The following CAPN9 variants were observed in gnomAD, a reference collection of about 807,000 sequenced individuals.
CAPN9 encodes calpain-9.
Under a neutral mutation model 92.8 loss-of-function variants are expected in CAPN9, and 81 were observed. The ratio of observed to expected loss-of-function variants is 0.87; its 90% CI spans 0.73 to 1.05. The LOEUF is 1.05. CAPN9 is among the 50% of genes least tolerant of loss of function. CAPN9 has a pLI of 0.00. For missense variants in CAPN9, 848 were observed against 866.2 expected (o/e 0.98, Z 0.26); for synonymous variants, 304 against 328.0 (o/e 0.93, Z 0.79).
Position 230,781,940 on chromosome 1 carries a change from T to C in CAPN9, c.1481+1232T>C, listed in dbSNP as rs28359691. 3.2e-3 allele frequency among the ~76,000 whole-genome samples: 483 copies of C among 152,306 alleles called. 4 individuals carry two copies. Among genetic ancestry groups the C allele is most frequent in the African/African-American group, 0.011 (462 of 41,562 alleles). ...AGAAAAGTCTTTAATTTTTAAACAC[T>C]CTACCAGAGAATTTTTCTCCAGCCT... On this transcript the variant is annotated intron_variant, in intron 11 of 19. Transcript: ENST00000271971.
intron 7 of CAPN9, among the ~76,000 whole-genome samples, chr1:230,773,562 G>A (rs987107373): frequency 2.0e-5 from 3 of 152,182 alleles, no homozygotes; most frequent in African/African-American, 7.2e-5. Context: ...GTGATGGGAG[G>A]GGCAGGCGCC....
chr1:230,750,518 T>C lies in CAPN9; in HGVS notation c.213+2809T>C, dbSNP rs74144824. Among the ~76,000 whole-genome samples, 1,238 of 152,162 alleles carry C rather than the reference T, an allele frequency of 8.1e-3. 9 individuals are homozygous for C. The highest frequency in any genetic ancestry group is 0.028 in the African/African-American group (1,180 of 41,426). ...GGCTGAGGATGAGCATGGAGACTCTTCTTGCAGCATAGAGTCGCAGGGAGC... is the reference window on the plus strand; with the variant it reads ...GGCTGAGGATGAGCATGGAGACTCTCCTTGCAGCATAGAGTCGCAGGGAGC... On this transcript the variant is annotated intron_variant, in intron 1 of 19. Transcript: ENST00000271971.
intron 19 of CAPN9, among the ~76,000 whole-genome samples, chr1:230,799,415 C>T (rs925920567): frequency 1.3e-5 from 2 of 152,176 alleles, no homozygotes; most frequent in African/African-American, 4.8e-5. Context: ...TGACTCACCA[C>T]TAATTTTCTC....
At chr1:230,792,319 C>T in intron 15 of CAPN9, 107 bp from the exon 16 acceptor site, 1 of 891,138 alleles carries the variant, frequency 1.1e-6, no homozygotes, top group South Asian at 1.4e-5. Flanking sequence ...ACCTGTGCAC[C>T]CAGGCCAGCC....
chr1:230,795,537 G>C, intron 18 of CAPN9: 6 of 402,096 alleles, frequency 1.5e-5, no homozygotes, highest in South Asian at 1.3e-4. Context: ...GGCTGGGGCA[G>C]GTTTGTGCCT....
In CAPN9 at chr1:230,778,846, T is replaced by TC. The variant is rs1667008274; in HGVS notation, c.954-121dup. On this transcript the variant is annotated intron_variant, in intron 8 of 19. Transcript: ENST00000271971. Reference sequence around the variant, plus strand: ...TTTTCCATCTCCCCACACTTTGCAGTCCCCCCACTCCTTGCGGACAGGAAC... The same window carrying TC: ...TTTTCCATCTCCCCACACTTTGCAGTCCCCCCCACTCCTTGCGGACAGGAAC... 8 of 817,058 alleles carry TC rather than the reference T, an allele frequency of 9.8e-6. No homozygotes were observed. The South Asian group carries it at 1.6e-4, about 16-fold the overall frequency. 50.6% of individuals were successfully genotyped at this position (817,058 alleles called of 1,614,324 possible).
Position 230,780,185 on chromosome 1 carries a change from T to A in CAPN9, c.1121T>A (p.Phe374Tyr). ...AGGCRNFLDT[F>Y]WTNPQIKLSL... is the part of the protein sequence containing the mutation. ...TACCTCTCCCAAATGACAGATACCTTTTGGACCAATCCACAAATAAAATTG... is the reference window on the plus strand; with the variant it reads ...TACCTCTCCCAAATGACAGATACCTATTGGACCAATCCACAAATAAAATTG... The change falls in exon 10 of 20, where the codon TTT (phenylalanine) becomes TAT (tyrosine). Residue 374 changes from phenylalanine to tyrosine, a missense_variant. Coordinates refer to ENST00000271971, the MANE Select transcript of CAPN9 (RefSeq NM_006615.3). 6.2e-7 allele frequency: 1 copy of A among 1,613,300 alleles called. No homozygotes were observed. Among genetic ancestry groups the A allele is most frequent in the Non-Finnish European group, 8.5e-7 (1 of 1,179,786 alleles).
chr1:230,786,841 A>G (rs562492182), intron 12 of CAPN9, among the ~76,000 whole-genome samples: 4 of 152,160 alleles, frequency 2.6e-5, no homozygotes, highest in Non-Finnish European at 5.9e-5. Context: ...ACTCAGGGGA[A>G]CACATTACAT....
chr1:230,779,195 C>A, intron 9 of CAPN9, 62 bp downstream of exon 9: 1 of 1,517,362 alleles, frequency 6.6e-7, no homozygotes, highest in Non-Finnish European at 9.1e-7. Flanking sequence ...CTCAGGACAC[C>A]AAAGGATAAG....
At chr1:230,798,020 G>A (rs1359123100) in intron 18 of CAPN9, 142 bp from the exon 19 acceptor site, 12 of 674,064 alleles carry the variant, frequency 1.8e-5, no homozygotes, top group African/African-American at 1.3e-4. Context: ...TCCCATCGCC[G>A]CCCTTGATGA....
chr1:230,780,119 T>A, intron 9 of CAPN9, 60 bp from the exon 10 acceptor site: 1 of 904,350 alleles, frequency 1.1e-6, no homozygotes, highest in Non-Finnish European at 1.7e-6. Flanking sequence ...TGTGTGTGTG[T>A]GTGGTCTTTG....
chr1:230,794,046 C>A (rs1372233172), intron 17 of CAPN9, among the ~76,000 whole-genome samples: 1 of 152,176 alleles, frequency 6.6e-6, no homozygotes, highest in Non-Finnish European at 1.5e-5. Context: ...TGTGTCTGAC[C>A]TGCCTGCTCC....
chr1:230,785,314 T>C (rs547210501), intron 11 of CAPN9, among the ~76,000 whole-genome samples: 4 of 152,314 alleles, frequency 2.6e-5, no homozygotes, highest in Middle Eastern at 3.4e-3. Context: ...GGCATAATTA[T>C]ATTTTGCAGT....
At chr1:230,759,416 A>G (rs1423667045) in intron 2 of CAPN9, 96 bp from the exon 3 acceptor site, 1 of 801,524 alleles carries the variant, frequency 1.2e-6, no homozygotes, top group Non-Finnish European at 2.0e-6. Flanking sequence ...AGATGTGGCC[A>G]CATCTGAAAC....
At chr1:230,755,474 C>G (rs1244184793) in intron 2 of CAPN9, 68 bp downstream of exon 2, 2 of 1,279,364 alleles carry the variant, frequency 1.6e-6, no homozygotes, top group Non-Finnish European at 2.2e-6. Context: ...GCAACTGCAG[C>G]ATGGGGTCCC....
At chr1:230,797,241 T>C (rs947125473) in intron 18 of CAPN9, among the ~76,000 whole-genome samples, 1 of 152,226 alleles carries the variant, frequency 6.6e-6, no homozygotes, top group Non-Finnish European at 1.5e-5. Flanking sequence ...ACTTTTCCCT[T>C]GTGCTCCCGC....
chr1:230,778,904 T>C, intron 8 of CAPN9, 69 bp from the exon 9 acceptor site: 3 of 1,311,168 alleles, frequency 2.3e-6, no homozygotes, highest in Non-Finnish European at 2.1e-6. Context: ...AATGATTTAA[T>C]GAATGAGTGA....
chr1:230,795,535 C>A (rs1186988176), intron 18 of CAPN9: 1 of 405,144 alleles, frequency 2.5e-6, no homozygotes, highest in Non-Finnish European at 4.6e-6. Flanking sequence ...TGGGCTGGGG[C>A]AGGTTTGTGC....
At chr1:230,791,951 A>G (rs1558116816) in intron 15 of CAPN9, 23 bp downstream of exon 15, 2 of 1,554,618 alleles carry the variant, frequency 1.3e-6, no homozygotes, top group African/African-American at 2.7e-5. Context: ...ATATTTGAGC[A>G]GAAATAGACA....
Sources: gnomAD v4.1 joint callset for allele counts (sites outside exome capture counted in the v4.1 genomes callset) on GRCh38, gnomAD v4.1.1 for gene constraint, MANE v1.5 for transcripts, NCBI Gene and HGNC (gene_info 2026-07-23, HGNC 2026-07-21) for gene names.